RBFOX1: variants seen among roughly 807,000 people sequenced by gnomAD.
The protein encoded by RBFOX1 is RNA binding protein fox-1 homolog 1.
In RBFOX1, 8 loss-of-function variants were observed where a neutral mutation model predicts 57.7. The observed-to-expected ratio is 0.14, with a 90% CI of 0.08 to 0.25. The LOEUF (loss-of-function observed/expected upper bound fraction) is 0.25. RBFOX1 is among the 10% of genes least tolerant of loss of function. The pLI, the probability that RBFOX1 is intolerant of heterozygous loss-of-function variation, is 1.00. For missense variants in RBFOX1, 611 were observed against 548.5 expected (o/e 1.11, Z -1.14); for synonymous variants, 326 against 222.4 (o/e 1.47, Z -4.15).
chr16:6,119,014 GT>G (rs35604110), intron 1 of RBFOX1, among the ~76,000 whole-genome samples: 97 of 142,210 alleles, frequency 6.8e-4, no homozygotes, highest in East Asian at 1.4e-3. Flanking sequence ...AATTCCTCAG[GT>G]TTTTTTTTTT....
chr16:7,315,457 C>CCCCCA (rs2096414911), intron 4 of RBFOX1, among the ~76,000 whole-genome samples: 1 of 61,260 alleles, frequency 1.6e-5, no homozygotes, highest in Non-Finnish European at 3.0e-5. Flanking sequence ...CTCTACCCTA[C>CCCCCA]CCCCCCCCCC....
intron 2 of RBFOX1, among the ~76,000 whole-genome samples, chr16:6,653,628 GATGGATGGATGA>G (rs1216499410): frequency 1.3e-5 from 2 of 152,180 alleles, no homozygotes; most frequent in African/African-American, 2.4e-5. Flanking sequence ...TGGATGGGTG[GATGGATGGATGA>G]ATGGATGGAT....
intron 4 of RBFOX1, among the ~76,000 whole-genome samples, chr16:7,286,927 C>T (rs1242349434): frequency 2.6e-5 from 4 of 152,078 alleles, no homozygotes; most frequent in African/African-American, 9.7e-5. Context: ...CCATGCCTGG[C>T]CCTGGGCTTC....
At chr16:5,553,594 C>T (rs561833342) in intron 2 of RBFOX1, among the ~76,000 whole-genome samples, 11 of 151,440 alleles carry the variant, frequency 7.3e-5, no homozygotes, top group African/African-American at 1.7e-4. Flanking sequence ...GGATTATGGG[C>T]GTGAGCCACC....
intron 1 of RBFOX1, among the ~76,000 whole-genome samples, chr16:5,296,537 A>G (rs986541150): frequency 6.6e-6 from 1 of 151,746 alleles, no homozygotes; most frequent in South Asian, 2.1e-4. Flanking sequence ...CAGCAGTTCA[A>G]TAGAGGAATT....
chr16:6,595,691 C>T (rs757573714), intron 2 of RBFOX1, among the ~76,000 whole-genome samples: 1 of 152,186 alleles, frequency 6.6e-6, no homozygotes, highest in Non-Finnish European at 1.5e-5. Context: ...TCTCTGGCTT[C>T]CCTTTTGTCC....
chr16:7,282,637 A>G (rs191227132), intron 4 of RBFOX1, among the ~76,000 whole-genome samples: 121 of 151,946 alleles, frequency 8.0e-4, no homozygotes, highest in Non-Finnish European at 1.6e-3. Context: ...TTGATTTCAT[A>G]AGTTCTTCAG....
intron 3 of RBFOX1, among the ~76,000 whole-genome samples, chr16:5,822,820 A>C (rs144063613): frequency 2.2e-4 from 34 of 152,286 alleles, no homozygotes; most frequent in Non-Finnish European, 4.0e-4. Context: ...GCCCAGGTTT[A>C]AGTTCCAGCT....
chr16:7,067,549 T>C (rs12921505), intron 4 of RBFOX1, among the ~76,000 whole-genome samples: 100,222 of 150,982 alleles, frequency 0.66, 33,871 homozygotes, highest in South Asian at 0.74. Context: ...TTTTATTTTA[T>C]TATATTTTAA....
intron 3 of RBFOX1, among the ~76,000 whole-genome samples, chr16:6,817,127 T>C (rs988139275): frequency 6.6e-6 from 1 of 152,084 alleles, no homozygotes. Context: ...TGTATTAACC[T>C]TTGACATGGC....
chr16:6,630,319 T>G (rs1302109086), intron 2 of RBFOX1, among the ~76,000 whole-genome samples: 1 of 152,164 alleles, frequency 6.6e-6, no homozygotes, highest in Admixed American at 6.5e-5. Flanking sequence ...GAGAAGACAT[T>G]AATTTCAAAA....
At chr16:7,641,109 G>C (rs535645743) in intron 11 of RBFOX1, among the ~76,000 whole-genome samples, 1 of 152,176 alleles carries the variant, frequency 6.6e-6, no homozygotes, top group Non-Finnish European at 1.5e-5. Context: ...AACAGCTTAG[G>C]AAGGGAGAGG....
At chr16:7,032,599 G>C (rs1038716727) in intron 3 of RBFOX1, among the ~76,000 whole-genome samples, 79 of 136,572 alleles carry the variant, frequency 5.8e-4, no homozygotes, top group African/African-American at 2.4e-3. Context: ...TTGTTTGTTT[G>C]TTTGTTTGTT....
intron 4 of RBFOX1, among the ~76,000 whole-genome samples, chr16:7,363,076 G>A (rs1444796685): frequency 6.6e-6 from 1 of 152,158 alleles, no homozygotes; most frequent in Non-Finnish European, 1.5e-5. Context: ...ATCATTGAGA[G>A]CAATGGGATG....
At chr16:6,309,496 G>T (rs1018183286) in intron 1 of RBFOX1, among the ~76,000 whole-genome samples, 3 of 152,168 alleles carry the variant, frequency 2.0e-5, no homozygotes, top group African/African-American at 7.2e-5. Context: ...TGCTGACAGG[G>T]AAGCGGAGCT....
intron 2 of RBFOX1, among the ~76,000 whole-genome samples, chr16:6,619,881 C>G (rs138601103): frequency 6.6e-6 from 1 of 152,022 alleles, no homozygotes; most frequent in South Asian, 2.1e-4. Flanking sequence ...TACAATAGGC[C>G]GCAGTTTGTG....
At chr16:7,372,640 G>T (rs983732662) in intron 4 of RBFOX1, among the ~76,000 whole-genome samples, 1 of 152,024 alleles carries the variant, frequency 6.6e-6, no homozygotes, top group Non-Finnish European at 1.5e-5. Context: ...AATGGTGGAG[G>T]GGCAGCCTGT....
At chr16:6,252,411 AAAG>A (rs2097623182) in intron 1 of RBFOX1, among the ~76,000 whole-genome samples, 1 of 152,170 alleles carries the variant, frequency 6.6e-6, no homozygotes, top group Non-Finnish European at 1.5e-5. Context: ...ACAAAACAAA[AAAG>A]AAGAAAAAGC....
At chr16:5,760,768 A>G (rs1209789118) in intron 3 of RBFOX1, among the ~76,000 whole-genome samples, 2 of 152,220 alleles carry the variant, frequency 1.3e-5, no homozygotes, top group Non-Finnish European at 2.9e-5. Flanking sequence ...AACCGCAGTT[A>G]CTTTTGCACC....
Sources: gnomAD v4.1 joint callset for allele counts (sites outside exome capture counted in the v4.1 genomes callset) on GRCh38, gnomAD v4.1.1 for gene constraint, MANE v1.5 for transcripts, NCBI Gene and HGNC (gene_info 2026-07-23, HGNC 2026-07-21) for gene names.